FOXN3: variants seen among roughly 807,000 people sequenced by gnomAD.
FOXN3 encodes forkhead box protein N3.
FOXN3 carries 7 observed loss-of-function variants against 38.4 expected under a neutral mutation model. The observed-to-expected ratio is 0.18, with a 90% CI of 0.10 to 0.34. The LOEUF is 0.34. Among genes scored for constraint, FOXN3 ranks in the 10% least tolerant of loss-of-function variants. The pLI is 1.00. For synonymous variants in FOXN3, 230 were observed against 242.2 expected (o/e 0.95, Z 0.47); for missense variants, 456 against 613.4 (o/e 0.74, Z 2.71).
intron 2 of FOXN3, among the ~76,000 whole-genome samples, chr14:89,384,643 A>G (rs1246169071): frequency 6.6e-6 from 1 of 152,194 alleles, no homozygotes; most frequent in Non-Finnish European, 1.5e-5. Context: ...TACCTCATCT[A>G]GTTGTAAAAA....
intron 2 of FOXN3, among the ~76,000 whole-genome samples, chr14:89,394,655 C>T (rs1891057563): frequency 6.6e-6 from 1 of 152,214 alleles, no homozygotes; most frequent in African/African-American, 2.4e-5. Flanking sequence ...ACATGCCTGG[C>T]CTAGGGCATC....
At chr14:89,444,845 G>A (rs1240836655) in intron 1 of FOXN3, among the ~76,000 whole-genome samples, 1 of 152,184 alleles carries the variant, frequency 6.6e-6, no homozygotes, top group African/African-American at 2.4e-5. Flanking sequence ...TCAAGGCCAG[G>A]TGCAGTGGCT....
At chr14:89,223,833 G>A (rs890034211) in intron 4 of FOXN3, among the ~76,000 whole-genome samples, 1 of 152,112 alleles carries the variant, frequency 6.6e-6, no homozygotes. Context: ...GAATAAAGCA[G>A]AGAAATGCTT....
chr14:89,540,334 T>C (rs933148733), intron 1 of FOXN3, among the ~76,000 whole-genome samples: 6 of 152,224 alleles, frequency 3.9e-5, no homozygotes, highest in Admixed American at 6.5e-5. Context: ...CTAAAAGGCA[T>C]GCTTAACATA....
At chr14:89,205,461 A>G (rs1888356031) in intron 4 of FOXN3, among the ~76,000 whole-genome samples, 1 of 152,024 alleles carries the variant, frequency 6.6e-6, no homozygotes, top group African/African-American at 2.4e-5. Context: ...GGCCTGCCAC[A>G]CTCCCATCGT....
chr14:89,608,599 ACAAG>A (rs1896326946), intron 1 of FOXN3, among the ~76,000 whole-genome samples: 1 of 152,246 alleles, frequency 6.6e-6, no homozygotes, highest in Admixed American at 6.5e-5. Flanking sequence ...GTATAGCTAA[ACAAG>A]CAGCTCCCAG....
At chr14:89,381,505 C>T (rs1890644844) in intron 2 of FOXN3, among the ~76,000 whole-genome samples, 1 of 136,874 alleles carries the variant, frequency 7.3e-6, no homozygotes, top group African/African-American at 2.7e-5. Context: ...GGCCCTGCAC[C>T]TGCAGCCCAA....
At chr14:89,496,963 T>A (rs768698402) in intron 1 of FOXN3, among the ~76,000 whole-genome samples, 2 of 152,128 alleles carry the variant, frequency 1.3e-5, no homozygotes, top group African/African-American at 2.4e-5. Flanking sequence ...GAATCTTCTT[T>A]CTTTTTTTTG....
intron 1 of FOXN3, among the ~76,000 whole-genome samples, chr14:89,541,886 AAGGTCCCTTGC>A (rs1332829060): frequency 6.6e-6 from 1 of 152,126 alleles, no homozygotes; most frequent in Admixed American, 6.5e-5. Context: ...GGAACTACAA[AAGGTCCCTTGC>A]ATCAGCAATA....
chr14:89,277,270 C>T (rs548105718), intron 4 of FOXN3, among the ~76,000 whole-genome samples: 6 of 152,300 alleles, frequency 3.9e-5, no homozygotes, highest in African/African-American at 1.4e-4. Context: ...GAAGAAGGCA[C>T]GGTGGGGACA....
chr14:89,550,393 T>A (rs539399040), intron 1 of FOXN3, among the ~76,000 whole-genome samples: 85 of 152,200 alleles, frequency 5.6e-4, no homozygotes, highest in Non-Finnish European at 1.0e-3. Context: ...CAGCAAACAC[T>A]TCCAGTAGCA....
intron 4 of FOXN3, among the ~76,000 whole-genome samples, chr14:89,208,326 C>T (rs1480235110): frequency 1.3e-5 from 2 of 152,228 alleles, no homozygotes; most frequent in Non-Finnish European, 2.9e-5. Flanking sequence ...GAACTTCAAT[C>T]TGTTTAGGGT....
chr14:89,177,140 A>G (rs1887543759), intron 5 of FOXN3, among the ~76,000 whole-genome samples: 1 of 151,092 alleles, frequency 6.6e-6, no homozygotes, highest in Admixed American at 6.6e-5. Flanking sequence ...CCTCCTGAGT[A>G]GCTGGGACTG....
intron 2 of FOXN3, among the ~76,000 whole-genome samples, chr14:89,395,830 C>T (rs976829330): frequency 6.6e-6 from 1 of 151,890 alleles, no homozygotes; most frequent in Non-Finnish European, 1.5e-5. Context: ...GGGGGAGTTT[C>T]AAAGTAAGTC....
At chr14:89,580,223 A>G (rs1895716986) in intron 1 of FOXN3, among the ~76,000 whole-genome samples, 2 of 152,172 alleles carry the variant, frequency 1.3e-5, no homozygotes, top group Non-Finnish European at 2.9e-5. Flanking sequence ...CTCTTCCACC[A>G]CAATTACCTC....
chr14:89,532,663 T>C (rs1275938736), intron 1 of FOXN3, among the ~76,000 whole-genome samples: 2 of 152,192 alleles, frequency 1.3e-5, no homozygotes, highest in Non-Finnish European at 2.9e-5. Context: ...AATTAGAGGA[T>C]CCTATTTAGA....
At chr14:89,171,288 A>G (rs1371956101) in intron 5 of FOXN3, among the ~76,000 whole-genome samples, 2 of 152,234 alleles carry the variant, frequency 1.3e-5, no homozygotes, top group African/African-American at 4.8e-5. Context: ...AATTAAATCA[A>G]TAGTTAAAAA....
chr14:89,379,766 T>G (rs2140065414), intron 2 of FOXN3, among the ~76,000 whole-genome samples: 1 of 152,066 alleles, frequency 6.6e-6, no homozygotes, highest in East Asian at 1.9e-4. Flanking sequence ...GTTCAAGGGA[T>G]TCTCCTGCCT....
upstream of FOXN3, among the ~76,000 whole-genome samples, chr14:89,421,275 G>A (rs572351037): frequency 1.4e-4 from 21 of 150,576 alleles, 1 homozygote; most frequent in East Asian, 3.9e-3. Flanking sequence ...CCAGCCTCCC[G>A]AGTAGCTGGG....
Sources: allele counts gnomAD v4.1 joint callset (sites outside exome capture counted in the v4.1 genomes callset), GRCh38; gene constraint gnomAD v4.1.1; transcripts MANE v1.5; gene names NCBI Gene and HGNC (gene_info 2026-07-23, HGNC 2026-07-21).